Variants in WDR89 observed in about 807,000 individuals in gnomAD.
WDR89 encodes WD repeat-containing protein 89.
WDR89 carries 17 observed loss-of-function variants against 29.1 expected under a neutral mutation model. The ratio of observed to expected loss-of-function variants is 0.58; its 90% CI spans 0.40 to 0.88. The LOEUF is 0.88. WDR89 is among the 40% of genes least tolerant of loss of function. The pLI is 0.00. For synonymous variants in WDR89, 138 were observed against 157.8 expected, an observed-to-expected ratio of 0.87 and a Z score of 0.94; for missense variants, 396 against 456.3, an observed-to-expected ratio of 0.87 and a Z score of 1.20.
intron 2 of WDR89, among the ~76,000 whole-genome samples, chr14:63,615,924 T>TAAAAAA (rs113469632): frequency 0.027 from 3,558 of 132,512 alleles, 131 homozygotes; most frequent in African/African-American, 0.092. Flanking sequence ...ACCCTGTCTT[T>TAAAAAA]AAAAAAAAAA....
intron 1 of WDR89, among the ~76,000 whole-genome samples, chr14:63,635,969 G>A (rs1292146786): frequency 3.3e-5 from 5 of 152,184 alleles, no homozygotes; most frequent in Non-Finnish European, 2.9e-5. Flanking sequence ...CACTTTGGAA[G>A]GCCGGGGCAG....
chr14:63,622,752 T>A (rs1882783750), intron 2 of WDR89, among the ~76,000 whole-genome samples: 1 of 151,932 alleles, frequency 6.6e-6, no homozygotes, highest in Non-Finnish European at 1.5e-5. Flanking sequence ...GGGCAACAGA[T>A]CAAGACTCCA....
intron 2 of WDR89, among the ~76,000 whole-genome samples, chr14:63,602,658 G>C (rs1895126623): frequency 6.6e-6 from 1 of 151,334 alleles, no homozygotes; most frequent in African/African-American, 2.4e-5. Flanking sequence ...TGTAATCCCA[G>C]CTACTCGGGA....
chr14:63,598,272 G>C lies in WDR89; in HGVS notation c.*507C>G, dbSNP rs1894881284. On this transcript the variant is annotated 3_prime_UTR_variant, in exon 3 of 3. Coordinates refer to ENST00000620954, the MANE Select transcript of WDR89 (RefSeq NM_080666.4). ...TACATAGATGCCTATCATTTCATTTGTAAAAAAGGTTAATTCTATTTACTC... is the reference window on the plus strand; with the variant it reads ...TACATAGATGCCTATCATTTCATTTCTAAAAAAGGTTAATTCTATTTACTC... The C allele has an allele frequency of 6.6e-6, 1 of 152,032 alleles. No individual in the cohort carries two copies. The highest frequency in any genetic ancestry group is 6.6e-5 in the Admixed American group (1 of 15,260). The allele number at this position is 152,032 out of a possible 1,614,324, so 9.4% of individuals were successfully genotyped here.
intron 1 of WDR89, among the ~76,000 whole-genome samples, chr14:63,636,205 C>A (rs1226189145): frequency 1.3e-5 from 2 of 151,954 alleles, no homozygotes; most frequent in Non-Finnish European, 2.9e-5. Context: ...AAGAATATAC[C>A]TAACAAAGGA....
At chr14:63,608,138 G>A (rs879695322) in intron 2 of WDR89, among the ~76,000 whole-genome samples, 19 of 152,122 alleles carry the variant, frequency 1.2e-4, no homozygotes, top group Admixed American at 2.6e-4. Flanking sequence ...CCTGGGAGGC[G>A]GAGGTTGCAG....
At chr14:63,612,194 C>G (rs1361753945) in intron 2 of WDR89, among the ~76,000 whole-genome samples, 1 of 152,136 alleles carries the variant, frequency 6.6e-6, no homozygotes, top group African/African-American at 2.4e-5. Flanking sequence ...CCAACAATCT[C>G]TGCCCTAGTC....
chr14:63,610,699 T>A (rs1881912905), intron 2 of WDR89, among the ~76,000 whole-genome samples: 1 of 149,090 alleles, frequency 6.7e-6, no homozygotes, highest in African/African-American at 2.5e-5. Flanking sequence ...TTTCTTTTCT[T>A]TTCTTTTTTT....
intron 2 of WDR89, among the ~76,000 whole-genome samples, chr14:63,613,582 C>T (rs1269852949): frequency 6.6e-6 from 1 of 150,858 alleles, no homozygotes; most frequent in Non-Finnish European, 1.5e-5. Context: ...CGGCTCACTG[C>T]AACCTCCACC....
At chr14:63,622,984 C>T (rs983833460) in intron 2 of WDR89, among the ~76,000 whole-genome samples, 60 of 150,606 alleles carry the variant, frequency 4.0e-4, no homozygotes, top group African/African-American at 1.3e-3. Flanking sequence ...TGGGTCACTT[C>T]GACCTAGGAG....
chr14:63,608,018 C>T (rs1340953573), intron 2 of WDR89, among the ~76,000 whole-genome samples: 2 of 151,958 alleles, frequency 1.3e-5, no homozygotes, highest in East Asian at 1.9e-4. Flanking sequence ...CCAGCCTGGC[C>T]AACATGGTGA....
chr14:63,628,605 C>T (rs1883213318), intron 1 of WDR89, among the ~76,000 whole-genome samples: 1 of 152,170 alleles, frequency 6.6e-6, no homozygotes, highest in African/African-American at 2.4e-5. Context: ...CAATGCAAAT[C>T]TCTGGAGAAG....
intron 2 of WDR89, among the ~76,000 whole-genome samples, chr14:63,620,004 C>CAAAAAAAAAA (rs71120271): frequency 7.2e-4 from 52 of 72,242 alleles, no homozygotes; most frequent in South Asian, 1.4e-3. Flanking sequence ...GACTCCATCT[C>CAAAAAAAAAA]AAAAAAAAAA....
intron 2 of WDR89, among the ~76,000 whole-genome samples, chr14:63,616,258 T>A (rs73263615): frequency 0.014 from 2,068 of 152,022 alleles, 56 homozygotes; most frequent in African/African-American, 0.047. Flanking sequence ...TGAGACTCTG[T>A]CTCAATACCA....
At chr14:63,600,410 T>C (rs1895005599) in intron 2 of WDR89, among the ~76,000 whole-genome samples, 1 of 152,116 alleles carries the variant, frequency 6.6e-6, no homozygotes, top group Non-Finnish European at 1.5e-5. Context: ...GTAGGAGGAC[T>C]GCTTGAGACC....
intron 1 of WDR89, among the ~76,000 whole-genome samples, chr14:63,640,698 G>A (rs8012720): frequency 6.6e-6 from 1 of 150,986 alleles, no homozygotes; most frequent in African/African-American, 2.4e-5. Context: ...GGCTGGTCTC[G>A]AACTCCTGAC....
chr14:63,613,876 T>C (rs988613058), intron 2 of WDR89, among the ~76,000 whole-genome samples: 1 of 150,452 alleles, frequency 6.6e-6, no homozygotes, highest in Non-Finnish European at 1.5e-5. Flanking sequence ...CTTGAACTCC[T>C]GTATGTAAGC....
intron 1 of WDR89, among the ~76,000 whole-genome samples, chr14:63,626,244 GA>G (rs1883040438): frequency 6.6e-6 from 1 of 152,012 alleles, no homozygotes; most frequent in Non-Finnish European, 1.5e-5. Flanking sequence ...GAAATTGGAA[GA>G]AAATTTTCAT....
At chr14:63,620,011 A>G (rs889799672) in intron 2 of WDR89, among the ~76,000 whole-genome samples, 2 of 150,464 alleles carry the variant, frequency 1.3e-5, no homozygotes, top group African/African-American at 4.9e-5. Context: ...TCTCAAAAAA[A>G]AAAAAAAAAA....
Sources: gnomAD v4.1 joint callset for allele counts (sites outside exome capture counted in the v4.1 genomes callset) on GRCh38, gnomAD v4.1.1 for gene constraint, MANE v1.5 for transcripts, NCBI Gene and HGNC (gene_info 2026-07-23, HGNC 2026-07-21) for gene names.